FBXW4: variants seen among roughly 807,000 people sequenced by gnomAD.
The protein encoded by FBXW4 is F-box/WD repeat-containing protein 4.
FBXW4 carries 40 observed loss-of-function variants against 61.8 expected under a neutral mutation model. The observed-to-expected ratio is 0.65, with a 90% CI of 0.50 to 0.84. The LOEUF is 0.84. Among genes scored for constraint, FBXW4 ranks in the 40% least tolerant of loss-of-function variants. The pLI is 0.00. For missense variants in FBXW4, 672 were observed against 753.8 expected (o/e 0.89, Z 1.27); for synonymous variants, 311 against 313.8 (o/e 0.99, Z 0.10).
intron 6 of FBXW4, among the ~76,000 whole-genome samples, chr10:101,622,178 G>A (rs1232613311): frequency 6.6e-6 from 1 of 151,638 alleles, no homozygotes; most frequent in African/African-American, 2.4e-5. Context: ...AAAAGCTATG[G>A]CTAATGCTTT....
At chr10:101,660,024 G>T (rs2064227345) in intron 5 of FBXW4, 1 of 931,610 alleles carries the variant, frequency 1.1e-6, no homozygotes, top group Non-Finnish European at 1.3e-6. Context: ...AATATAAGGA[G>T]AAATCACTTG....
chr10:101,673,077 A>G, intron 3 of FBXW4, 30 bp from the exon 4 acceptor site: 1 of 1,604,166 alleles, frequency 6.2e-7, no homozygotes, highest in Non-Finnish European at 8.5e-7. Flanking sequence ...CCGACCCCCA[A>G]GAACCAATTA....
intron 5 of FBXW4, among the ~76,000 whole-genome samples, chr10:101,661,776 A>T (rs1364704738): frequency 6.6e-6 from 1 of 152,180 alleles, no homozygotes. Flanking sequence ...TCCCTAGACA[A>T]GACCCAGAAG....
intron 1 of FBXW4, 106 bp from the exon 2 acceptor site, chr10:101,676,542 T>G: frequency 1.2e-6 from 1 of 823,186 alleles, no homozygotes. Flanking sequence ...AGAATACAAG[T>G]AAAGAGATTA....
At chr10:101,688,571 T>G (rs996415865) in intron 1 of FBXW4, among the ~76,000 whole-genome samples, 4 of 152,220 alleles carry the variant, frequency 2.6e-5, no homozygotes, top group Admixed American at 6.5e-5. Flanking sequence ...AGCTCAAATA[T>G]TTACATGATT....
intron 5 of FBXW4, among the ~76,000 whole-genome samples, chr10:101,660,451 G>A (rs942088871): frequency 4.6e-5 from 7 of 151,964 alleles, no homozygotes; most frequent in African/African-American, 1.2e-4. Flanking sequence ...GAGGCTTCCC[G>A]GCTGCTCAGA....
chr10:101,637,070 C>T (rs1040328395), intron 5 of FBXW4, among the ~76,000 whole-genome samples: 2 of 151,810 alleles, frequency 1.3e-5, no homozygotes, highest in Non-Finnish European at 2.9e-5. Flanking sequence ...TGAAAATTTC[C>T]GTTATAAAAA....
In FBXW4 at chr10:101,694,354, GGAGCGGGCGGGC is replaced by G. The variant is rs2064648267; in HGVS notation, c.725+15_725+26del. 2.2e-6 allele frequency: 3 copies of G among 1,353,302 alleles called. No homozygotes were observed. Among genetic ancestry groups the G allele is most frequent in the Non-Finnish European group, 2.8e-6 (3 of 1,060,360 alleles). 83.8% of individuals were successfully genotyped at this position (1,353,302 alleles called of 1,614,324 possible). ...GGGACGCGGGGCCGGCTCGGGGCGGGGAGCGGGCGGGCGAGCGGACGCTTACAGGTCGGTGCC... is the reference window on the plus strand; with the variant it reads ...GGGACGCGGGGCCGGCTCGGGGCGGGGAGCGGACGCTTACAGGTCGGTGCC... On this transcript the variant is annotated intron_variant, in intron 1 of 8. Coordinates refer to ENST00000331272, the MANE Select transcript of FBXW4 (RefSeq NM_022039.4). This position sits in a 1 kb window ranked among gnomAD's most constrained non-coding sequence, Gnocchi z 6.0.
At chr10:101,635,925 G>A (rs906605668) in intron 5 of FBXW4, among the ~76,000 whole-genome samples, 4 of 151,984 alleles carry the variant, frequency 2.6e-5, no homozygotes, top group South Asian at 2.1e-4. Context: ...CTGGGGGGGC[G>A]GGCGGAGGGA....
At chr10:101,676,176 T>G (rs565273072) in intron 2 of FBXW4, among the ~76,000 whole-genome samples, 165 bp downstream of exon 2, 3 of 152,316 alleles carry the variant, frequency 2.0e-5, no homozygotes, top group Admixed American at 2.0e-4. Flanking sequence ...TTCTTTAAAA[T>G]GTGAAAAAGT....
At position 101,612,405 on chromosome 10, in the gene FBXW4, G is replaced by A. The variant is rs749932996; in HGVS notation, c.1374C>T (p.Ser458=). Residue 458 remains serine (S), a synonymous_variant, in exon 7 of 9, where the codon TCC becomes TCT. Transcript: ENST00000331272. The part of the protein sequence containing the change: ...GAGVLDVMYE[S]PFTLLSCGYD... Reference sequence around the variant, plus strand: ...AGCCACAGGACAGCAGTGTGAAAGGGGACTCATACATGACATCCAGCACCC... The same window carrying A: ...AGCCACAGGACAGCAGTGTGAAAGGAGACTCATACATGACATCCAGCACCC... 7 of 1,600,030 alleles carry A rather than the reference G, an allele frequency of 4.4e-6. No homozygotes were observed. Among genetic ancestry groups the A allele is most frequent in the African/African-American group, 1.3e-5 (1 of 74,808 alleles).
intron 1 of FBXW4, among the ~76,000 whole-genome samples, chr10:101,684,391 G>A (rs1398180267): frequency 2.6e-5 from 4 of 152,222 alleles, no homozygotes; most frequent in Non-Finnish European, 5.9e-5. Flanking sequence ...CTCCCAAAGT[G>A]CTGGGATTAC....
chr10:101,658,218 T>C (rs2064207783), intron 5 of FBXW4, among the ~76,000 whole-genome samples: 1 of 151,872 alleles, frequency 6.6e-6, no homozygotes, highest in African/African-American at 2.4e-5. Flanking sequence ...CTCTGGTACA[T>C]AGAAAGGGAG....
intron 5 of FBXW4, among the ~76,000 whole-genome samples, chr10:101,655,829 G>A (rs1315607209): frequency 6.6e-6 from 1 of 152,216 alleles, no homozygotes; most frequent in Non-Finnish European, 1.5e-5. Context: ...AGCAGTGGCT[G>A]ATTACATCTG....
At chr10:101,620,492 A>T (rs1360651731) in intron 6 of FBXW4, among the ~76,000 whole-genome samples, 3 of 152,218 alleles carry the variant, frequency 2.0e-5, no homozygotes, top group Non-Finnish European at 4.4e-5. Context: ...CCAGTGGATG[A>T]ACCTGGGGCT....
Position 101,694,419 on chromosome 10 carries a change from G to A in FBXW4, c.687C>T (p.Ala229=). ...CDLLWRRIAR[A]SLNSGFTRLG... The stretch of plus-strand genomic sequence containing the variant: ...GCCGCGTGAAGCCGGAGTTGAGCGA[G>A]GCCCGGGCTATCCGGCGCCAGAGCA... Residue 229 remains alanine, a synonymous_variant, in exon 1 of 9, where the codon GCC becomes GCT. Coordinates refer to ENST00000331272, the MANE Select transcript of FBXW4 (RefSeq NM_022039.4). The surrounding 1 kb of genome is among the most constrained non-coding windows in gnomAD (Gnocchi z 6.0). 2 of 1,520,824 alleles carry A rather than the reference G, an allele frequency of 1.3e-6. No homozygotes were observed. The highest frequency in any genetic ancestry group is 1.2e-5 in the South Asian group (1 of 80,892). The allele number at this position is 1,520,824 out of a possible 1,614,324, so 94.2% of individuals were successfully genotyped here.
At chr10:101,688,200 C>T (rs1022121217) in intron 1 of FBXW4, among the ~76,000 whole-genome samples, 6 of 152,186 alleles carry the variant, frequency 3.9e-5, no homozygotes, top group Admixed American at 6.5e-5. Flanking sequence ...AGTCAACAGA[C>T]GTGGTGATGT....
intron 1 of FBXW4, among the ~76,000 whole-genome samples, chr10:101,680,631 T>A (rs2064465449): frequency 6.6e-6 from 1 of 152,236 alleles, no homozygotes; most frequent in African/African-American, 2.4e-5. Flanking sequence ...AAAACAATTT[T>A]TAAAGTACAC....
In FBXW4 at chr10:101,695,039, C is replaced by T. The variant is rs921486571; in HGVS notation, c.67G>A (p.Ala23Thr). 9 of 1,016,326 alleles carry T rather than the reference C, an allele frequency of 8.9e-6. No individual in the cohort carries two copies. In the South Asian group the frequency reaches 4.2e-4, roughly 47 times the overall value. The allele number at this position is 1,016,326 out of a possible 1,614,324, so 63.0% of individuals were successfully genotyped here. Residue 23 changes from alanine to threonine, a missense_variant, in exon 1 of 9, where the codon GCG (alanine) becomes ACG (threonine). By Grantham distance (58) the Ala-to-Thr change is moderately conservative. Around this residue, in one of 5 missense-constraint regions of FBXW4, gnomAD observed 38 missense variants for 43.3 expected, o/e 0.88. Coordinates refer to ENST00000331272, the MANE Select transcript of FBXW4 (RefSeq NM_022039.4). This position sits in a 1 kb window ranked among gnomAD's most constrained non-coding sequence, Gnocchi z 4.2. ...ACCCTCCCTTCCTGCAGCTTCCTCGCCTCTCCGCCCTCGCCCTCGCCGGGC... is the reference window on the plus strand; with the variant it reads ...ACCCTCCCTTCCTGCAGCTTCCTCGTCTCTCCGCCCTCGCCCTCGCCGGGC... ...GGPGEGEGGE[A>T]RKLQEGRVAR...
Sources: allele counts gnomAD v4.1 joint callset (sites outside exome capture counted in the v4.1 genomes callset), GRCh38; gene constraint gnomAD v4.1.1; regional missense constraint gnomAD v4.1.1; non-coding constraint Gnocchi (gnomAD v3.1); transcripts MANE v1.5; gene names NCBI Gene and HGNC (gene_info 2026-07-23, HGNC 2026-07-21).